Variants in SEC16B observed in about 807,000 individuals in gnomAD.
The protein encoded by SEC16B is SEC16 homolog B, endoplasmic reticulum export factor.
SEC16B carries 115 observed loss-of-function variants against 141.8 expected under a neutral mutation model. The observed-to-expected ratio is 0.81, with a 90% confidence interval of 0.70 to 0.95. SEC16B has a LOEUF of 0.95. Among genes scored for constraint, SEC16B ranks in the 40% least tolerant of loss-of-function variants. The probability of loss-of-function intolerance (pLI) is 0.00; values close to 1 mark genes in which losing one functional copy is unlikely to be tolerated. For synonymous variants in SEC16B, 493 were observed against 492.5 expected (o/e 1.00, Z -0.01); for missense variants, 1,291 against 1,312.3 (o/e 0.98, Z 0.25).
intron 10 of SEC16B, 65 bp downstream of exon 10, chr1:177,958,067 G>A (rs1004760551): frequency 2.3e-5 from 25 of 1,104,652 alleles, no homozygotes; most frequent in Non-Finnish European, 2.6e-5. Context: ...TTTGAGCAGC[G>A]GTGAGTGGTG....
intron 19 of SEC16B, among the ~76,000 whole-genome samples, chr1:177,936,851 T>C (rs978367391): frequency 6.6e-6 from 1 of 152,194 alleles, no homozygotes; most frequent in Non-Finnish European, 1.5e-5. Flanking sequence ...GAGAGCCTGA[T>C]AGTAAGCTCT....
chr1:177,958,448 C>A, intron 9 of SEC16B, 86 bp from the exon 10 acceptor site: 1 of 1,129,582 alleles, frequency 8.9e-7, no homozygotes, highest in Non-Finnish European at 1.2e-6. Flanking sequence ...CACCAGGGAG[C>A]CTGCCTTCTT....
rs1654299720 is a variant in SEC16B, at chr1:177,979,159, T to G, written c.-59+5047A>C. ...ATAGCCATGTAATATAGTAATATATTTAACACAAAAATGCAATTATTTAAA... is the reference window on the plus strand; with the variant it reads ...ATAGCCATGTAATATAGTAATATATGTAACACAAAAATGCAATTATTTAAA... On this transcript the variant is annotated intron_variant and NMD_transcript_variant, in intron 1 of 24. Coordinates refer to the SEC16B transcript ENST00000528461. Among the ~76,000 whole-genome samples, 9 of 152,326 alleles carry G rather than the reference T, an allele frequency of 5.9e-5. No homozygotes were observed. In the South Asian group the frequency reaches 1.9e-3, roughly 32 times the overall value.
intron 12 of SEC16B, among the ~76,000 whole-genome samples, chr1:177,951,517 T>A (rs887464525): frequency 3.3e-5 from 5 of 152,188 alleles, no homozygotes; most frequent in Non-Finnish European, 5.9e-5. Flanking sequence ...AGGGCAGCCC[T>A]GCCAGGGGAA....
chr1:177,933,502 A>T lies in SEC16B; in HGVS notation c.2706T>A (p.Asp902Glu). Reference protein sequence around the residue: ...RNTAQRGKLGDGKEHTKSSGF... With the variant: ...RNTAQRGKLGEGKEHTKSSGF... ...CCTCCACCTTTGTATGCTCCTTCCC[A>T]TCTCCGAGCTTGCCTCTCTGGGCAG... The change falls in exon 21 of 26, where the codon GAT (aspartate) becomes GAA (glutamate). Residue 902 changes from aspartate (D) to glutamate (E), a missense_variant. Transcript: ENST00000308284. 6.2e-7 allele frequency: 1 copy of T among 1,613,448 alleles called. No individual in the cohort carries two copies. Among genetic ancestry groups the T allele is most frequent in the Non-Finnish European group, 8.5e-7 (1 of 1,179,694 alleles).
chr1:177,936,644 C>T (rs552366092), intron 19 of SEC16B, among the ~76,000 whole-genome samples: 2 of 152,268 alleles, frequency 1.3e-5, no homozygotes, highest in African/African-American at 2.4e-5. Flanking sequence ...CAGGGATCCT[C>T]CACCACTCCT....
chr1:177,930,278 A>G (rs933339490), intron 25 of SEC16B, among the ~76,000 whole-genome samples: 2 of 152,166 alleles, frequency 1.3e-5, no homozygotes, highest in African/African-American at 4.8e-5. Flanking sequence ...TGTCTCCCAC[A>G]TCTCAAGAGC....
At chr1:177,940,751 T>G (rs1445319268) in intron 16 of SEC16B, 37 bp from the exon 17 acceptor site, 32 of 1,446,414 alleles carry the variant, frequency 2.2e-5, no homozygotes, top group Non-Finnish European at 3.0e-5. Flanking sequence ...GGGCAGAAAG[T>G]AAGAGAGGAG....
Position 177,965,294 on chromosome 1 carries a change from GA to G in SEC16B, c.413-128del, listed in dbSNP as rs1414681593. 22 of 1,140,596 alleles carry G rather than the reference GA, an allele frequency of 1.9e-5. No homozygotes were observed. In the East Asian group the frequency reaches 5.8e-4, roughly 30 times the overall value. The allele number at this position is 1,140,596 out of a possible 1,614,324, so 70.7% of individuals were successfully genotyped here. ...GATCTAAAAACATATTTTCCAAATTGAAAAAATAGATAGGTGAGAGCTAATA... is the reference window on the plus strand; with the variant it reads ...GATCTAAAAACATATTTTCCAAATTGAAAAATAGATAGGTGAGAGCTAATA... On this transcript the variant is annotated intron_variant, in intron 3 of 25. Transcript: ENST00000308284.
rs1409194866 is a variant in SEC16B at position 177,941,957 on chromosome 1, T to C, written c.1965A>G (p.Ala655=). 1 of 1,613,930 alleles carries C rather than the reference T, an allele frequency of 6.2e-7. No individual in the cohort carries two copies. Among genetic ancestry groups the C allele is most frequent in the African/African-American group, 1.3e-5 (1 of 74,944 alleles). Residue 655 remains alanine (A), a synonymous_variant, in exon 16 of 26, where the codon GCA becomes GCG. Coordinates refer to ENST00000308284, the MANE Select transcript of SEC16B (RefSeq NM_033127.4). ...TGCTCTCTCCCTGGCTCAAGACAGC[T>C]GCACCAATGGCTTCGCAGTAATGCA... The part of the protein sequence containing the change: ...QALHYCEAIG[A]AVLSQGESSH...
At chr1:177,953,680 G>A (rs1284105309) in intron 11 of SEC16B, among the ~76,000 whole-genome samples, 2 of 152,104 alleles carry the variant, frequency 1.3e-5, no homozygotes, top group African/African-American at 2.4e-5. Flanking sequence ...TTCTGGTTTG[G>A]GCATTTTTCC....
intron 14 of SEC16B, chr1:177,946,011 T>A: frequency 5.4e-6 from 2 of 367,242 alleles, no homozygotes; most frequent in Non-Finnish European, 9.7e-6. Flanking sequence ...AACATAAACT[T>A]CTTCCATTTT....
chr1:177,944,689 A>G (rs1286476828), intron 14 of SEC16B, 23 bp from the exon 15 acceptor site: 2 of 1,591,764 alleles, frequency 1.3e-6, no homozygotes, highest in Non-Finnish European at 1.7e-6. Flanking sequence ...AATAACAATA[A>G]AAGAGATTGA....
At chr1:177,944,519 T>G in intron 15 of SEC16B, 42 bp downstream of exon 15, 1 of 1,501,016 alleles carries the variant, frequency 6.7e-7, no homozygotes, top group South Asian at 1.2e-5. Context: ...TGCCTGCAGC[T>G]GCCTGACAGT....
Position 177,932,546 on chromosome 1 carries a change from C to T in SEC16B, c.2956G>A (p.Ala986Thr), listed in dbSNP as rs372353418. 19 of 1,561,328 alleles carry T rather than the reference C, an allele frequency of 1.2e-5. No homozygotes were observed. In the African/African-American group the frequency reaches 1.4e-4, roughly 11 times the overall value. ...GRGGGEGRGSASSGGAAAGAG... is the reference protein window; with the variant it reads ...GRGGGEGRGSTSSGGAAAGAG... ...CCCGCAGCTGCTCCCCCGCTGGATG[C>T]GGATCCTCGGCCTTCACCCCCACCT... Residue 986 changes from alanine (A) to threonine (T), a missense_variant, in exon 24 of 26, where the codon GCA becomes ACA. Coordinates refer to ENST00000308284, the MANE Select transcript of SEC16B (RefSeq NM_033127.4).
At chr1:177,942,931 T>C (rs777634903) in intron 15 of SEC16B, among the ~76,000 whole-genome samples, 4 of 152,166 alleles carry the variant, frequency 2.6e-5, no homozygotes, top group Non-Finnish European at 5.9e-5. Flanking sequence ...TTGGTTGTTA[T>C]GGAGATTAAA....
At chr1:177,946,277 A>G in intron 14 of SEC16B, 143 bp downstream of exon 14, 1 of 739,646 alleles carries the variant, frequency 1.4e-6, no homozygotes, top group South Asian at 1.5e-5. Flanking sequence ...ACAGACCTGC[A>G]CAGATAACAA....
At chr1:177,960,561 T>C in intron 7 of SEC16B, 158 bp from the exon 8 acceptor site, 1 of 702,504 alleles carries the variant, frequency 1.4e-6, no homozygotes, top group South Asian at 1.9e-5. Flanking sequence ...TTGCTAAAGA[T>C]GAGACATTGA....
chr1:177,971,969 A>G (rs2092979819), upstream of SEC16B, among the ~76,000 whole-genome samples: 1 of 152,244 alleles, frequency 6.6e-6, no homozygotes, highest in Admixed American at 6.5e-5. Flanking sequence ...GGTTTATTTC[A>G]GAGAACCTGT....
Sources: allele counts gnomAD v4.1 joint callset (sites outside exome capture counted in the v4.1 genomes callset), GRCh38; gene constraint gnomAD v4.1.1; transcripts MANE v1.5; gene names NCBI Gene and HGNC (gene_info 2026-07-23, HGNC 2026-07-21).